The following ZNF398 variants were observed in gnomAD, a reference collection of about 807,000 sequenced individuals.
ZNF398 encodes zinc finger protein 398, also known as zinc finger DNA binding protein ZER6.
A neutral mutation model predicts 41.9 loss-of-function variants in ZNF398; 18 were observed. The observed-to-expected ratio is 0.43, with a 90% CI of 0.30 to 0.64. ZNF398 has a LOEUF of 0.64. Ranked by LOEUF, ZNF398 falls within the 30% of genes least tolerant of loss-of-function variation. The pLI is 0.14. For missense variants in ZNF398, 669 were observed against 822.8 expected (o/e 0.81, Z 2.29); for synonymous variants, 260 against 308.8 (o/e 0.84, Z 1.66).
At chr7:149,171,322 A>G (rs1305340166) in intron 4 of ZNF398, among the ~76,000 whole-genome samples, 2 of 151,910 alleles carry the variant, frequency 1.3e-5, no homozygotes, top group East Asian at 1.9e-4. Context: ...ATACAAAAAT[A>G]TTTTTTCTTT....
Position 149,147,902 on chromosome 7 carries a change from TGGC to T in ZNF398, c.24+140_24+142del. 3 of 1,105,534 alleles carry T rather than the reference TGGC, an allele frequency of 2.7e-6. No individual in the cohort carries two copies. Among genetic ancestry groups the T allele is most frequent in the South Asian group, 2.9e-5 (1 of 33,998 alleles). The allele number at this position is 1,105,534 out of a possible 1,614,324, so 68.5% of individuals were successfully genotyped here. A position where few individuals can be genotyped will look rare whatever the true frequency, so the allele number is the denominator to read the frequency against. On this transcript the variant is annotated intron_variant, in intron 1 of 5. Coordinates refer to ENST00000475153, the MANE Select transcript of ZNF398 (RefSeq NM_170686.3). This position sits in a 1 kb window ranked among gnomAD's most constrained non-coding sequence, Gnocchi z 5.6. ...GGCCACGTCGCCTGTCGCCCGTGCT[TGGC>T]GGCTGCAGCCTCGCGTGAGGGGACT... is the stretch of plus-strand genomic sequence containing the variant.
chr7:149,134,166 G>A (rs1161618100), intron 2 of ZNF398, among the ~76,000 whole-genome samples: 1 of 150,498 alleles, frequency 6.6e-6, no homozygotes, highest in Non-Finnish European at 1.5e-5. Context: ...CCAGGTTCAA[G>A]CAATTCTCCT....
At chr7:149,158,415 AGTG>A (rs552333249) in intron 2 of ZNF398, among the ~76,000 whole-genome samples, 5 of 152,184 alleles carry the variant, frequency 3.3e-5, no homozygotes, top group Non-Finnish European at 7.4e-5. Context: ...TTTTCTGTGA[AGTG>A]GGGTGGAGAT....
rs953929440 is a variant in ZNF398 at position 149,147,542 on chromosome 7, C to T, written c.-201C>T. 4 of 421,414 alleles carry T rather than the reference C, an allele frequency of 9.5e-6. No individual in the cohort carries two copies. Among genetic ancestry groups the T allele is most frequent in the Non-Finnish European group, 1.5e-5 (4 of 267,012 alleles). 26.1% of individuals were successfully genotyped at this position (421,414 alleles called of 1,614,324 possible). ...TCGCGACCCCAGCTTGATCCGCCGC[C>T]TGCTGCACCGCGCCTCCGCCGCGTT... is the stretch of plus-strand genomic sequence containing the variant. On this transcript the variant is annotated 5_prime_UTR_variant, in exon 1 of 6. Transcript: ENST00000475153. This position sits in a 1 kb window ranked among gnomAD's most constrained non-coding sequence, Gnocchi z 5.6.
intron 4 of ZNF398, among the ~76,000 whole-genome samples, chr7:149,172,645 C>T (rs1452319051): frequency 1.3e-5 from 2 of 152,168 alleles, no homozygotes; most frequent in Non-Finnish European, 2.9e-5. Flanking sequence ...ATCTGTGAAA[C>T]TGTGAAGAAA....
At chr7:149,159,760 T>G (rs1191382570) in intron 2 of ZNF398, among the ~76,000 whole-genome samples, 1 of 151,898 alleles carries the variant, frequency 6.6e-6, no homozygotes, top group African/African-American at 2.4e-5. Flanking sequence ...TCTCACTCTG[T>G]CTCTGTTAGA....
chr7:149,142,324 T>TATACTGTATATATCTGTATATGTACCAG (rs1563155058), intron 2 of ZNF398, among the ~76,000 whole-genome samples: 5 of 152,108 alleles, frequency 3.3e-5, no homozygotes, highest in Admixed American at 3.3e-4. Context: ...ATACCAGATA[T>TATACTGTATATATCTGTATATGTACCAG]ATACTGTATA....
At chr7:149,143,950 T>G (rs1826880547), upstream of ZNF398, among the ~76,000 whole-genome samples, 1 of 152,168 alleles carries the variant, frequency 6.6e-6, no homozygotes, top group East Asian at 1.9e-4. Context: ...TATTATAAAT[T>G]AAAAATAAGT....
intron 2 of ZNF398, among the ~76,000 whole-genome samples, chr7:149,155,734 T>TTTTTTTTTA (rs1794962000): frequency 9.0e-6 from 1 of 110,654 alleles, no homozygotes; most frequent in Non-Finnish European, 1.7e-5. Context: ...TTTTTTAATT[T>TTTTTTTTTA]TTTTTTTTTT....
intron 4 of ZNF398, among the ~76,000 whole-genome samples, chr7:149,175,777 C>T (rs1164376099): frequency 6.6e-6 from 1 of 152,100 alleles, no homozygotes; most frequent in African/African-American, 2.4e-5. Flanking sequence ...CGCTGCCTCC[C>T]AGGTTCAAGC....
chr7:149,155,714 T>TTTTTA (rs1563159502), intron 2 of ZNF398, among the ~76,000 whole-genome samples: 2 of 31,822 alleles, frequency 6.3e-5, no homozygotes, highest in African/African-American at 1.6e-4. Context: ...TATATTTTTT[T>TTTTTA]TTTTTTTTTT....
exon 1 of ZNF398, chr7:149,126,638 C>G: frequency 8.1e-6 from 2 of 246,222 alleles, no homozygotes; most frequent in South Asian, 1.1e-4. Flanking sequence ...GAAACCCGGA[C>G]TGAGAGGCAG....
intron 4 of ZNF398, among the ~76,000 whole-genome samples, chr7:149,171,221 A>C (rs935850233): frequency 6.6e-6 from 1 of 151,294 alleles, no homozygotes; most frequent in African/African-American, 2.4e-5. Flanking sequence ...TATACTTATA[A>C]TACTACTTTA....
chr7:149,127,643 G>A (rs1585496793), intron 1 of ZNF398, among the ~76,000 whole-genome samples: 2 of 151,590 alleles, frequency 1.3e-5, no homozygotes, highest in Admixed American at 6.6e-5. Flanking sequence ...CGTGAACCCG[G>A]GAGGCGGAGC....
At chr7:149,155,683 T>TTATATATA (rs757578727) in intron 2 of ZNF398, among the ~76,000 whole-genome samples, 68 of 110,840 alleles carry the variant, frequency 6.1e-4, no homozygotes, top group Non-Finnish European at 1.0e-3. Flanking sequence ...TTATATTTGG[T>TTATATATA]TATATATATA....
At chr7:149,153,343 G>T (rs1227085277) in intron 1 of ZNF398, among the ~76,000 whole-genome samples, 1 of 152,152 alleles carries the variant, frequency 6.6e-6, no homozygotes, top group African/African-American at 2.4e-5. Context: ...GTAGGCCAAA[G>T]TTTGCCTGTC....
At chr7:149,149,245 A>G (rs549207145) in intron 1 of ZNF398, among the ~76,000 whole-genome samples, 1 of 152,074 alleles carries the variant, frequency 6.6e-6, no homozygotes, top group Non-Finnish European at 1.5e-5. Context: ...TTATTTATTT[A>G]TTTTTTGAGG....
intron 4 of ZNF398, among the ~76,000 whole-genome samples, chr7:149,167,604 C>T (rs1039586434): frequency 2.0e-5 from 3 of 151,808 alleles, no homozygotes; most frequent in Admixed American, 6.6e-5. Flanking sequence ...CACCCGCTAT[C>T]CCATATAGTT....
chr7:149,160,905 A>T (rs116945925), intron 2 of ZNF398, among the ~76,000 whole-genome samples: 1,796 of 151,890 alleles, frequency 0.012, 18 homozygotes, highest in Non-Finnish European at 0.018. Flanking sequence ...AGTAAACAGT[A>T]AAGATTTTTA....
Sources: allele counts gnomAD v4.1 joint callset (sites outside exome capture counted in the v4.1 genomes callset), GRCh38; gene constraint gnomAD v4.1.1; non-coding constraint Gnocchi (gnomAD v3.1); transcripts MANE v1.5; gene names NCBI Gene and HGNC (gene_info 2026-07-23, HGNC 2026-07-21).